Variants in TRDN observed in about 807,000 individuals in gnomAD.
TRDN encodes the protein triadin.
In TRDN, 161 loss-of-function variants were observed where a neutral mutation model predicts 149.7. The observed-to-expected ratio is 1.08, with a 90% CI of 0.95 to 1.23. The LOEUF (loss-of-function observed/expected upper bound fraction) is 1.23, where lower values mean the gene tolerates loss of function less well. Ranked by LOEUF, TRDN falls within the 50% of genes most tolerant of loss-of-function variation. The pLI, the probability that TRDN is intolerant of heterozygous loss-of-function variation, is 0.00. For missense variants in TRDN, 896 were observed against 823.5 expected, an observed-to-expected ratio of 1.09 and a Z score of -1.08; for synonymous variants, 294 against 250.5, an observed-to-expected ratio of 1.17 and a Z score of -1.64.
At chr6:123,517,110 TG>T (rs1779447735) in intron 5 of TRDN, among the ~76,000 whole-genome samples, 1 of 152,048 alleles carries the variant, frequency 6.6e-6, no homozygotes, top group Non-Finnish European at 1.5e-5. Context: ...ATTACAAAGG[TG>T]GGTAACTGCA....
chr6:123,279,633 C>T (rs1777512364), intron 24 of TRDN, among the ~76,000 whole-genome samples: 1 of 151,994 alleles, frequency 6.6e-6, no homozygotes. Context: ...CTCACTCCCA[C>T]TTCATCATTA....
At chr6:123,491,132 AGAAGGAAGGAAG>A (rs149446213) in intron 9 of TRDN, among the ~76,000 whole-genome samples, 5 of 146,276 alleles carry the variant, frequency 3.4e-5, no homozygotes, top group South Asian at 2.2e-4. Flanking sequence ...AAGGAACGAA[AGAAGGAAGGAAG>A]GAAGGAAGGA....
intron 2 of TRDN, among the ~76,000 whole-genome samples, chr6:123,558,918 G>T (rs1222615946): frequency 6.6e-6 from 1 of 152,250 alleles, no homozygotes; most frequent in East Asian, 1.9e-4. Context: ...TGCCACAAGT[G>T]CCGGAAATCC....
At chr6:123,222,997 C>T (rs923139916) in intron 39 of TRDN, among the ~76,000 whole-genome samples, 6 of 151,734 alleles carry the variant, frequency 4.0e-5, no homozygotes, top group Non-Finnish European at 5.9e-5. Flanking sequence ...CAAAAAATAA[C>T]ATATGTTGAG....
At position 123,558,745 on chromosome 6, in the gene TRDN, A is replaced by G. The variant is rs192438964; in HGVS notation, c.233-10133T>C. On this transcript the variant is annotated intron_variant, in intron 2 of 40. Coordinates refer to ENST00000334268, the MANE Select transcript of TRDN (RefSeq NM_006073.4). ...TTAATTAACCTCACCTTCAAGGTGTACAATGATAGAGTAGAGGCAGCCAAG... is the reference window on the plus strand; with the variant it reads ...TTAATTAACCTCACCTTCAAGGTGTGCAATGATAGAGTAGAGGCAGCCAAG... 4.9e-4 allele frequency among the ~76,000 whole-genome samples: 74 copies of G among 152,324 alleles called. No homozygotes were observed. The East Asian group carries it at 9.3e-3, about 19-fold the overall frequency.
intron 7 of TRDN, among the ~76,000 whole-genome samples, chr6:123,505,378 G>A (rs1778878892): frequency 6.6e-6 from 1 of 151,378 alleles, no homozygotes; most frequent in African/African-American, 2.4e-5. Context: ...GAATGAAAAT[G>A]ATAATGCCAG....
intron 20 of TRDN, among the ~76,000 whole-genome samples, chr6:123,357,884 A>G (rs1030293391): frequency 3.3e-5 from 5 of 152,180 alleles, no homozygotes; most frequent in Non-Finnish European, 7.3e-5. Flanking sequence ...TTAAAGTGCT[A>G]TGTTTTTTGT....
chr6:123,380,551 A>G (rs915696752), intron 16 of TRDN, among the ~76,000 whole-genome samples: 5 of 152,150 alleles, frequency 3.3e-5, no homozygotes, highest in Non-Finnish European at 7.4e-5. Flanking sequence ...GAGCATTTTT[A>G]CAACGTTGAA....
chr6:123,536,503 A>G (rs1780536487), intron 4 of TRDN, among the ~76,000 whole-genome samples: 1 of 151,966 alleles, frequency 6.6e-6, no homozygotes, highest in South Asian at 2.1e-4. Context: ...ATACAAGGGA[A>G]AGTTGCAAGA....
intron 38 of TRDN, among the ~76,000 whole-genome samples, chr6:123,230,838 T>C (rs183469635): frequency 2.0e-4 from 30 of 152,158 alleles, no homozygotes; most frequent in African/African-American, 6.7e-4. Context: ...AGGTTTCCTA[T>C]GATTTATTCA....
At chr6:123,630,572 G>T (rs763354200) in intron 1 of TRDN, among the ~76,000 whole-genome samples, 5 of 150,944 alleles carry the variant, frequency 3.3e-5, no homozygotes, top group Non-Finnish European at 7.4e-5. Flanking sequence ...TTAAATTACA[G>T]TCATAATGAT....
At chr6:123,422,681 G>A (rs141263604) in intron 12 of TRDN, among the ~76,000 whole-genome samples, 248 of 152,232 alleles carry the variant, frequency 1.6e-3, no homozygotes, top group African/African-American at 5.7e-3. Context: ...AATCATTGCT[G>A]CTCACAATTT....
At chr6:123,523,571 C>A (rs559369915) in intron 5 of TRDN, among the ~76,000 whole-genome samples, 2 of 152,120 alleles carry the variant, frequency 1.3e-5, no homozygotes, top group East Asian at 3.9e-4. Flanking sequence ...GGGGTTAATG[C>A]TGGGAAATCA....
At chr6:123,493,262 C>T (rs1446567768) in intron 9 of TRDN, among the ~76,000 whole-genome samples, 1 of 151,990 alleles carries the variant, frequency 6.6e-6, no homozygotes, top group African/African-American at 2.4e-5. Context: ...TTCAATACAA[C>T]CAAATGAGCA....
chr6:123,571,356 C>A (rs527365726), intron 1 of TRDN, among the ~76,000 whole-genome samples: 45 of 152,162 alleles, frequency 3.0e-4, no homozygotes, highest in Non-Finnish European at 4.7e-4. Flanking sequence ...CAGTGTTTCT[C>A]ATCTCCTAAG....
chr6:123,415,430 G>A (rs375829862), intron 12 of TRDN, among the ~76,000 whole-genome samples: 2 of 152,162 alleles, frequency 1.3e-5, no homozygotes, highest in African/African-American at 4.8e-5. Context: ...TTCCAGAGAA[G>A]GAAACTAAGG....
At chr6:123,404,373 T>C (rs1224637135) in intron 12 of TRDN, among the ~76,000 whole-genome samples, 1 of 152,218 alleles carries the variant, frequency 6.6e-6, no homozygotes, top group Admixed American at 6.5e-5. Flanking sequence ...ACTGAATTAC[T>C]GAGCCATTTA....
At chr6:123,270,265 A>C (rs955070720) in intron 30 of TRDN, among the ~76,000 whole-genome samples, 1 of 151,982 alleles carries the variant, frequency 6.6e-6, no homozygotes, top group Non-Finnish European at 1.5e-5. Context: ...TGGTCATATG[A>C]AGTAATGTGA....
intron 23 of TRDN, among the ~76,000 whole-genome samples, chr6:123,320,448 A>G (rs904171720): frequency 2.6e-5 from 4 of 152,016 alleles, no homozygotes; most frequent in African/African-American, 9.7e-5. Context: ...AGATCAACAA[A>G]TATTTGTTGA....
Sources: allele counts gnomAD v4.1 joint callset (sites outside exome capture counted in the v4.1 genomes callset), GRCh38; gene constraint gnomAD v4.1.1; transcripts MANE v1.5; gene names NCBI Gene and HGNC (gene_info 2026-07-23, HGNC 2026-07-21).